The following RCC2 variants were observed in gnomAD, a reference collection of about 807,000 sequenced individuals.
RCC2 encodes protein RCC2.
In RCC2, 19 loss-of-function variants were observed where a neutral mutation model predicts 64.1. That is an observed-to-expected ratio of 0.30 (90% CI 0.21 to 0.44). RCC2 has a LOEUF of 0.44. RCC2 is among the 20% of genes least tolerant of loss of function. RCC2 has a pLI of 1.00. For synonymous variants in RCC2, 325 were observed against 279.6 expected (o/e 1.16, Z -1.62); for missense variants, 508 against 710.4 (o/e 0.72, Z 3.24).
At position 17,439,100 on chromosome 1, in the gene RCC2, G is replaced by C. The variant is rs190324462; in HGVS notation, c.-9+445C>G. ...GGGTGCCGACCTCGGGCTCTAGTTA[G>C]CCGAATCCCTACGGCGGACTGCCCC... On this transcript the variant is annotated intron_variant, in intron 1 of 12. Coordinates refer to ENST00000375436, the MANE Select transcript of RCC2 (RefSeq NM_018715.4). Among the ~76,000 whole-genome samples the C allele has an allele frequency of 9.7e-3, 1,479 of 152,228 alleles. 25 individuals carry two copies. Among genetic ancestry groups the C allele is most frequent in the African/African-American group, 0.034 (1,415 of 41,530 alleles).
rs773137317 is a variant in RCC2 at position 17,408,983 on chromosome 1, C to T, written c.*107G>A. 1.0e-5 allele frequency: 9 copies of T among 858,386 alleles called. No homozygotes were observed. The highest frequency in any genetic ancestry group is 1.7e-5 in the African/African-American group (1 of 60,046). The allele number at this position is 858,386 out of a possible 1,614,324, so 53.2% of individuals were successfully genotyped here. A position where few individuals can be genotyped will look rare whatever the true frequency, so the allele number is the denominator to read the frequency against. On this transcript the variant is annotated 3_prime_UTR_variant, in exon 13 of 13. Coordinates refer to ENST00000375436, the MANE Select transcript of RCC2 (RefSeq NM_018715.4). Reference sequence around the variant, plus strand: ...GGGAGTCTAAACAAAAATGCACCTTCGGTCAACTTTTGCTTTTTTAAATTC... The same window carrying T: ...GGGAGTCTAAACAAAAATGCACCTTTGGTCAACTTTTGCTTTTTTAAATTC...
intron 2 of RCC2, among the ~76,000 whole-genome samples, chr1:17,433,514 GGATT>G (rs2075705448): frequency 6.6e-6 from 1 of 152,190 alleles, no homozygotes; most frequent in African/African-American, 2.4e-5. Context: ...ATGGGCCTAC[GGATT>G]GTTTTTTTGG....
intron 3 of RCC2, among the ~76,000 whole-genome samples, chr1:17,428,475 G>A (rs2075642595): frequency 6.6e-6 from 1 of 152,226 alleles, no homozygotes; most frequent in Non-Finnish European, 1.5e-5. Flanking sequence ...ATGGGGCAAA[G>A]CAATGCTGGA....
chr1:17,416,412 A>C (rs904754259), intron 8 of RCC2, 68 bp downstream of exon 8: 1 of 1,517,006 alleles, frequency 6.6e-7, no homozygotes, highest in South Asian at 1.3e-5. Context: ...AAGCGTCAGG[A>C]AACTTGAGCA....
chr1:17,411,816 C>A (rs1032658794), intron 11 of RCC2, among the ~76,000 whole-genome samples: 7 of 152,152 alleles, frequency 4.6e-5, no homozygotes, highest in African/African-American at 1.7e-4. Flanking sequence ...GGAGAGGGAA[C>A]AAACAGGCCC....
chr1:17,412,491 G>A (rs541737417), intron 10 of RCC2, among the ~76,000 whole-genome samples: 40 of 152,348 alleles, frequency 2.6e-4, no homozygotes, highest in African/African-American at 8.7e-4. Context: ...TTGGGAAGAG[G>A]AGACCAGATC....
intron 2 of RCC2, among the ~76,000 whole-genome samples, chr1:17,432,850 C>T (rs527610801): frequency 9.2e-5 from 14 of 152,174 alleles, no homozygotes; most frequent in South Asian, 2.1e-4. Flanking sequence ...CCCGGCTACT[C>T]GGGAGGCTGA....
chr1:17,438,499 CCT>C lies in RCC2; in HGVS notation c.14_15del (p.Lys5SerfsTer39). MPRKKAAAAAWEEPS... is the reference protein window; with the variant it reads MPRKXAAAAAWEEPS... ...GGCTCCTCCCAGGCCGCCGCCGCCGCCTTCTTCCTGGGCATGGTCGCGGCTGG... is the reference window on the plus strand; with the variant it reads ...GGCTCCTCCCAGGCCGCCGCCGCCGCTCTTCCTGGGCATGGTCGCGGCTGG... On this transcript the variant is annotated frameshift_variant, in exon 2 of 13. Transcript: ENST00000375436. LOFTEE classifies it high-confidence loss of function. 1 of 1,347,386 alleles carries C rather than the reference CCT, an allele frequency of 7.4e-7. No homozygotes were observed. The highest frequency in any genetic ancestry group is 2.1e-5 in the South Asian group (1 of 47,098). 83.5% of individuals were successfully genotyped at this position (1,347,386 alleles called of 1,614,324 possible).
chr1:17,413,159 C>T lies in RCC2; in HGVS notation c.1227G>A (p.Gly409=). 1.2e-6 allele frequency: 2 copies of T among 1,613,872 alleles called. No homozygotes were observed. The highest frequency in any genetic ancestry group is 1.7e-6 in the Non-Finnish European group (2 of 1,179,846). The change falls in exon 10 of 13, where the codon GGG becomes GGA. Residue 409 remains glycine, a synonymous_variant. Transcript: ENST00000375436. ...VSEVGGLFFW[G]ATNTSRESTM... is the part of the protein sequence containing the mutation. ...TAGATTCACGGGAGGTGTTGGTGGC[C>T]CCCCAGAAAAACAGACCACCTAAGG...
Position 17,431,029 on chromosome 1 carries a change from T to C in RCC2, c.286-1830A>G, listed in dbSNP as rs570743490. On this transcript the variant is annotated intron_variant, in intron 2 of 12. Transcript: ENST00000375436. ...TAACGCCGATGAAAGTTCCCAACCA[T>C]GCCAATAAAAATGTATTTGTTGGCC... Among the ~76,000 whole-genome samples the C allele has an allele frequency of 7.6e-4, 115 of 151,356 alleles. 1 individual carries two copies. The highest frequency in any genetic ancestry group is 2.7e-3 in the African/African-American group (111 of 41,268).
At chr1:17,436,372 AAC>A in intron 2 of RCC2, among the ~76,000 whole-genome samples, 1 of 152,268 alleles carries the variant, frequency 6.6e-6, no homozygotes, top group South Asian at 2.1e-4. Flanking sequence ...GGTGTGGTGG[AAC>A]ACACTTGTAA....
intron 7 of RCC2, among the ~76,000 whole-genome samples, chr1:17,418,734 A>G (rs757105479): frequency 5.3e-5 from 8 of 152,228 alleles, no homozygotes; most frequent in Non-Finnish European, 1.2e-4. Context: ...TAAGAGCATC[A>G]CAGTAAATAG....
chr1:17,417,809 G>T (rs1482226342), intron 7 of RCC2, among the ~76,000 whole-genome samples: 1 of 152,034 alleles, frequency 6.6e-6, no homozygotes, highest in East Asian at 1.9e-4. Flanking sequence ...GTGTTTTTGA[G>T]CACTGTGCTA....
chr1:17,438,666 G>T, intron 1 of RCC2, 144 bp from the exon 2 acceptor site: 1 of 780,256 alleles, frequency 1.3e-6, no homozygotes. Flanking sequence ...GAGAGGGGGC[G>T]AGTTGGGAGA....
At chr1:17,421,320 C>A (rs1048856543) in intron 6 of RCC2, among the ~76,000 whole-genome samples, 1 of 152,062 alleles carries the variant, frequency 6.6e-6, no homozygotes, top group Admixed American at 6.6e-5. Flanking sequence ...CATGGTGAAA[C>A]CCCATCTCTA....
At chr1:17,411,776 G>A (rs1052508568) in intron 11 of RCC2, among the ~76,000 whole-genome samples, 1 of 152,156 alleles carries the variant, frequency 6.6e-6, no homozygotes, top group Non-Finnish European at 1.5e-5. Flanking sequence ...ACCCACAACT[G>A]TGAGTTTCCC....
chr1:17,436,692 A>T (rs1047188916), intron 2 of RCC2, among the ~76,000 whole-genome samples: 2 of 152,238 alleles, frequency 1.3e-5, no homozygotes, highest in Admixed American at 6.5e-5. Flanking sequence ...GCGTTCCAAC[A>T]GTCTGGAGCT....
At chr1:17,429,996 A>G (rs2075658823) in intron 2 of RCC2, among the ~76,000 whole-genome samples, 1 of 152,232 alleles carries the variant, frequency 6.6e-6, no homozygotes, top group Non-Finnish European at 1.5e-5. Flanking sequence ...CCATTGTTCA[A>G]TTCTGGGTGG....
rs1463924741 is a variant in RCC2 at position 17,408,582 on chromosome 1, C to T, written c.*508G>A. ...GCAAGAAAAAGCGGAGAAGGAGTGACCCGGATGCTTCCGAAGCACGCGAGC... is the reference window on the plus strand; with the variant it reads ...GCAAGAAAAAGCGGAGAAGGAGTGATCCGGATGCTTCCGAAGCACGCGAGC... On this transcript the variant is annotated 3_prime_UTR_variant, in exon 13 of 13. Transcript: ENST00000375436. 6.3e-6 allele frequency: 1 copy of T among 157,534 alleles called. No homozygotes were observed. The highest frequency in any genetic ancestry group is 1.4e-5 in the Non-Finnish European group (1 of 71,716). The allele number at this position is 157,534 out of a possible 1,614,324, so 9.8% of individuals were successfully genotyped here. A position where few individuals can be genotyped will look rare whatever the true frequency, so the allele number is the denominator to read the frequency against.
Sources: gnomAD v4.1 joint callset for allele counts (sites outside exome capture counted in the v4.1 genomes callset) on GRCh38, gnomAD v4.1.1 for gene constraint, MANE v1.5 for transcripts, NCBI Gene and HGNC (gene_info 2026-07-23, HGNC 2026-07-21) for gene names.